ARHGAP39: variants seen among roughly 807,000 people sequenced by gnomAD.
ARHGAP39 encodes Rho GTPase activating protein 39.
In ARHGAP39, 44 loss-of-function variants were observed where a neutral mutation model predicts 106.9. That is an observed-to-expected ratio of 0.41 (90% confidence interval 0.32 to 0.53). ARHGAP39 has a LOEUF of 0.53. Among genes scored for constraint, ARHGAP39 ranks in the 20% least tolerant of loss-of-function variants. The pLI, the probability that ARHGAP39 is intolerant of heterozygous loss-of-function variation, is 0.21. For synonymous variants in ARHGAP39, 768 were observed against 693.2 expected (o/e 1.11, Z -1.69); for missense variants, 1,496 against 1,577.3 (o/e 0.95, Z 0.87).
At chr8:144,663,401 CAA>C (rs1335030412) in intron 1 of ARHGAP39, among the ~76,000 whole-genome samples, 1 of 152,030 alleles carries the variant, frequency 6.6e-6, no homozygotes, top group African/African-American at 2.4e-5. Context: ...AGAGATGGAG[CAA>C]GAGAGAGACA....
intron 1 of ARHGAP39, among the ~76,000 whole-genome samples, chr8:144,680,892 T>C (rs146288721): frequency 1.8e-4 from 27 of 152,252 alleles, no homozygotes; most frequent in African/African-American, 6.5e-4. Context: ...TTAACAAAAC[T>C]CAGATATATG....
the ARHGAP39 span, among the ~76,000 whole-genome samples, chr8:144,692,884 C>T: frequency 7.3e-5 from 11 of 151,064 alleles, no homozygotes; most frequent in African/African-American, 2.7e-4. Flanking sequence ...TTCAGCCTCC[C>T]GAGTAGCTGG....
chr8:144,615,409 A>G (rs1404796155), intron 1 of ARHGAP39, among the ~76,000 whole-genome samples: 1 of 152,022 alleles, frequency 6.6e-6, no homozygotes, highest in Non-Finnish European at 1.5e-5. Context: ...ATGTCTGCCT[A>G]TACTCAGCTC....
chr8:144,535,872 G>C (rs116338421), intron 7 of ARHGAP39, among the ~76,000 whole-genome samples: 7,080 of 152,338 alleles, frequency 0.046, 515 homozygotes, highest in African/African-American at 0.15. Context: ...ATGCCTGTCT[G>C]TTGCAGTGCT....
intron 1 of ARHGAP39, among the ~76,000 whole-genome samples, chr8:144,640,796 T>C (rs1448757632): frequency 6.6e-6 from 1 of 152,226 alleles, no homozygotes; most frequent in Non-Finnish European, 1.5e-5. Flanking sequence ...TTGTCTGTTT[T>C]AACCTCTCTA....
At chr8:144,597,802 CGTT>C (rs1162180137) in intron 2 of ARHGAP39, among the ~76,000 whole-genome samples, 1 of 152,160 alleles carries the variant, frequency 6.6e-6, no homozygotes, top group African/African-American at 2.4e-5. Flanking sequence ...GAGCTCAACA[CGTT>C]GGCTCATCAA....
intron 5 of ARHGAP39, among the ~76,000 whole-genome samples, chr8:144,546,588 AC>A (rs1418419843): frequency 1.3e-5 from 2 of 152,330 alleles, no homozygotes; most frequent in East Asian, 3.9e-4. Context: ...CGTGGCCTCC[AC>A]GGGATCTAGC....
intron 3 of ARHGAP39, among the ~76,000 whole-genome samples, chr8:144,579,304 T>C (rs1276640405): frequency 6.6e-6 from 1 of 151,042 alleles, no homozygotes; most frequent in African/African-American, 2.4e-5. Context: ...TCACAGTGGC[T>C]ACAATAGCTA....
intron 1 of ARHGAP39, among the ~76,000 whole-genome samples, chr8:144,622,367 C>A (rs1025429844): frequency 1.3e-5 from 2 of 152,082 alleles, no homozygotes; most frequent in Non-Finnish European, 2.9e-5. Flanking sequence ...AGCAGCCCCA[C>A]CCGCCACAGG....
In ARHGAP39 at chr8:144,644,781, G is replaced by A. The variant is rs571048705; in HGVS notation, c.-81-39086C>T. Among the ~76,000 whole-genome samples, 139 of 152,250 alleles carry A rather than the reference G, an allele frequency of 9.1e-4. 1 individual carries two copies. Among genetic ancestry groups the A allele is most frequent in the African/African-American group, 3.3e-3 (138 of 41,546 alleles). ...GCACCAGGTGTCTGCACAGCTCTTG[G>A]CTGCACCTGCACTCTGAGTCATTGC... On this transcript the variant is annotated intron_variant, in intron 1 of 11. Coordinates refer to ENST00000377307, the MANE Select transcript of ARHGAP39 (RefSeq NM_025251.3). The surrounding 1 kb of genome is among the most constrained non-coding windows in gnomAD (Gnocchi z 4.8).
intron 1 of ARHGAP39, among the ~76,000 whole-genome samples, chr8:144,659,156 C>G (rs375817579): frequency 6.6e-6 from 1 of 152,112 alleles, no homozygotes; most frequent in Admixed American, 6.5e-5. Flanking sequence ...CCAGGGAACT[C>G]GACACAAACA....
chr8:144,558,575 G>A (rs1818029978), intron 3 of ARHGAP39, among the ~76,000 whole-genome samples: 1 of 92,108 alleles, frequency 1.1e-5, no homozygotes, highest in Admixed American at 1.3e-4. Flanking sequence ...TTACAGGCGT[G>A]AGTCACCGCG....
Position 144,677,259 on chromosome 8 carries a change from AT to A in ARHGAP39, c.-82+8426del, listed in dbSNP as rs1822267290. ...GACAAGCTTCTGCGTGGACGTGTAT[AT>A]TTCCAGTCACTCAACCAAAAGAACA... On this transcript the variant is annotated intron_variant, in intron 1 of 11. Transcript: ENST00000377307. Among the ~76,000 whole-genome samples, 4 of 152,352 alleles carry A rather than the reference AT, an allele frequency of 2.6e-5. No homozygotes were observed. In the South Asian group the frequency reaches 8.3e-4, roughly 32 times the overall value.
At chr8:144,567,357 G>A (rs1818433312) in intron 3 of ARHGAP39, among the ~76,000 whole-genome samples, 1 of 152,228 alleles carries the variant, frequency 6.6e-6, no homozygotes, top group African/African-American at 2.4e-5. Flanking sequence ...CCCAGACAGG[G>A]CCACCAGAGG....
chr8:144,633,709 T>A (rs554230545), intron 1 of ARHGAP39, among the ~76,000 whole-genome samples: 1 of 152,138 alleles, frequency 6.6e-6, no homozygotes, highest in Non-Finnish European at 1.5e-5. Flanking sequence ...TTTTAATAGA[T>A]AGAGTCTTGC....
intron 4 of ARHGAP39, among the ~76,000 whole-genome samples, chr8:144,551,145 C>A (rs1408964336): frequency 6.6e-6 from 1 of 152,016 alleles, no homozygotes; most frequent in Non-Finnish European, 1.5e-5. Flanking sequence ...ACGGTCCCAG[C>A]ACAGGGTGCC....
chr8:144,551,871 C>G (rs952056996), intron 4 of ARHGAP39, among the ~76,000 whole-genome samples: 25 of 152,240 alleles, frequency 1.6e-4, no homozygotes, highest in Admixed American at 1.6e-3. Flanking sequence ...TCCGGCCTCC[C>G]CGATGGGCCT....
rs1191254804 is a variant in ARHGAP39, at chr8:144,545,866, G to A, written c.1960-56C>T. 4.3e-6 allele frequency: 6 copies of A among 1,405,532 alleles called. No homozygotes were observed. The African/African-American group carries it at 8.9e-5, about 21-fold the overall frequency. 87.1% of individuals were successfully genotyped at this position (1,405,532 alleles called of 1,614,324 possible). A position where few individuals can be genotyped will look rare whatever the true frequency, so the allele number is the denominator to read the frequency against. ...GGGGTGGGGGAGGGCCAGGCAGGTG[G>A]GCCCACTGGGCCACAGTCCCCAGAA... On this transcript the variant is annotated intron_variant, in intron 5 of 11. Coordinates refer to ENST00000377307, the MANE Select transcript of ARHGAP39 (RefSeq NM_025251.3).
Position 144,545,398 on chromosome 8 carries a change from T to C in ARHGAP39, c.2372A>G (p.Gln791Arg). The change falls in exon 6 of 12, where the codon CAG becomes CGG. Residue 791 changes from glutamine (Q) to arginine (R), a missense_variant. Transcript: ENST00000377307. ...RDELYIQLCR[Q>R]TTENFRLESL... ...CTCCAGGCGGAAGTTCTCGGTGGTC[T>C]GCCGGCACAGCTGGATGTAGAGCTC... The C allele has an allele frequency of 7.3e-7, 1 of 1,361,630 alleles. No homozygotes were observed. Among genetic ancestry groups the C allele is most frequent in the Non-Finnish European group, 9.6e-7 (1 of 1,045,690 alleles). The allele number at this position is 1,361,630 out of a possible 1,614,324, so 84.3% of individuals were successfully genotyped here.
Sources: gnomAD v4.1 joint callset for allele counts (sites outside exome capture counted in the v4.1 genomes callset) on GRCh38, gnomAD v4.1.1 for gene constraint, Gnocchi (gnomAD v3.1) non-coding constraint, MANE v1.5 for transcripts, NCBI Gene and HGNC (gene_info 2026-07-23, HGNC 2026-07-21) for gene names.